Variants in CADM2 observed in about 807,000 individuals in gnomAD.
CADM2 encodes immunoglobulin superfamily member 4D.
CADM2 carries 12 observed loss-of-function variants against 49.8 expected under a neutral mutation model. The observed-to-expected ratio is 0.24, with a 90% CI of 0.15 to 0.39. CADM2 has a LOEUF of 0.39. CADM2 is among the 10% of genes least tolerant of loss of function. The pLI is 1.00. For missense variants in CADM2, 378 were observed against 492.3 expected (o/e 0.77, Z 2.20); for synonymous variants, 214 against 175.4 (o/e 1.22, Z -1.74).
chr3:84,959,996 ACATT>A (rs1429774303), intron 1 of CADM2: 3 of 456,276 alleles, frequency 6.6e-6, no homozygotes, highest in African/African-American at 6.0e-5. Context: ...GCCTCTCTGA[ACATT>A]CCACCCTCCC....
chr3:85,270,822 A>G (rs61290738), intron 1 of CADM2, among the ~76,000 whole-genome samples: 10,039 of 151,490 alleles, frequency 0.066, 1,086 homozygotes, highest in African/African-American at 0.23. Flanking sequence ...ATCTCATATC[A>G]AAACATTGAC....
At chr3:85,057,244 T>TA (rs755078205) in intron 1 of CADM2, among the ~76,000 whole-genome samples, 4 of 152,004 alleles carry the variant, frequency 2.6e-5, no homozygotes, top group Non-Finnish European at 5.9e-5. Flanking sequence ...AAAAAATACA[T>TA]AAACATCAGC....
intron 1 of CADM2, among the ~76,000 whole-genome samples, chr3:85,318,198 A>AAT (rs970274715): frequency 2.6e-5 from 4 of 151,332 alleles, no homozygotes; most frequent in Non-Finnish European, 4.4e-5. Flanking sequence ...AAAAGAAAAA[A>AAT]ATATATATAT....
At chr3:85,457,391 T>C (rs894826625) in intron 1 of CADM2, among the ~76,000 whole-genome samples, 2 of 151,164 alleles carry the variant, frequency 1.3e-5, no homozygotes. Flanking sequence ...CCAGCCCGGG[T>C]GACACAGCAA....
chr3:85,551,371 C>T (rs187769592), intron 1 of CADM2, among the ~76,000 whole-genome samples: 2 of 152,186 alleles, frequency 1.3e-5, no homozygotes, highest in East Asian at 3.9e-4. Flanking sequence ...TCTCTTAAAG[C>T]CTGTATTGCA....
chr3:85,638,405 A>G (rs1224046261), intron 1 of CADM2, among the ~76,000 whole-genome samples: 2 of 152,132 alleles, frequency 1.3e-5, no homozygotes, highest in African/African-American at 4.8e-5. Context: ...TACAGCTGTG[A>G]AAATATTGAA....
At chr3:85,120,681 G>A (rs7611632) in intron 1 of CADM2, among the ~76,000 whole-genome samples, 171 of 152,150 alleles carry the variant, frequency 1.1e-3, no homozygotes, top group African/African-American at 3.9e-3. Flanking sequence ...CTCCTGGGGG[G>A]TAGGGGGCCA....
intron 1 of CADM2, among the ~76,000 whole-genome samples, chr3:85,507,368 T>C (rs6787427): frequency 0.22 from 33,940 of 151,566 alleles, 4,155 homozygotes; most frequent in East Asian, 0.3. Flanking sequence ...TTTGTATTTT[T>C]AGTAGACATG....
chr3:84,959,805 G>A, intron 1 of CADM2, 137 bp downstream of exon 1: 1 of 791,704 alleles, frequency 1.3e-6, no homozygotes, highest in Non-Finnish European at 2.1e-6. Context: ...ACTCTCTGGT[G>A]CGGCAGGGGG....
chr3:85,252,147 T>C (rs1040947344), intron 1 of CADM2, among the ~76,000 whole-genome samples: 1 of 152,020 alleles, frequency 6.6e-6, no homozygotes, highest in African/African-American at 2.4e-5. Flanking sequence ...ATCATCTCTT[T>C]GTTTTTGTTC....
At chr3:85,231,254 A>G (rs1341117354) in intron 1 of CADM2, among the ~76,000 whole-genome samples, 1 of 152,150 alleles carries the variant, frequency 6.6e-6, no homozygotes, top group East Asian at 1.9e-4. Context: ...GCTATGATTT[A>G]TGTTTTTTCT....
At chr3:85,408,563 A>G (rs977161341) in intron 1 of CADM2, among the ~76,000 whole-genome samples, 2 of 152,132 alleles carry the variant, frequency 1.3e-5, no homozygotes, top group African/African-American at 4.8e-5. Flanking sequence ...TTGCCACCCA[A>G]TGAGTTAGAT....
intron 1 of CADM2, among the ~76,000 whole-genome samples, chr3:85,214,180 T>C (rs990956621): frequency 6.6e-6 from 1 of 151,856 alleles, no homozygotes; most frequent in Non-Finnish European, 1.5e-5. Flanking sequence ...CTGTGGCTCT[T>C]GCAGACCTGT....
intron 2 of CADM2, among the ~76,000 whole-genome samples, chr3:85,783,346 A>G (rs1359480636): frequency 3.9e-5 from 6 of 152,238 alleles, no homozygotes; most frequent in Admixed American, 3.9e-4. Context: ...CTATTTACAG[A>G]TAAGTGTATG....
At chr3:85,756,541 A>T (rs1360578140) in intron 2 of CADM2, among the ~76,000 whole-genome samples, 1 of 152,274 alleles carries the variant, frequency 6.6e-6, no homozygotes, top group Middle Eastern at 3.4e-3. Flanking sequence ...GTAAAAGAAG[A>T]TCATGTAGTA....
chr3:85,903,113 G>A (rs968740091), intron 5 of CADM2, among the ~76,000 whole-genome samples: 1 of 151,782 alleles, frequency 6.6e-6, no homozygotes, highest in Non-Finnish European at 1.5e-5. Flanking sequence ...CCTTTGTGCT[G>A]TTATTGTCAA....
At chr3:85,955,748 G>A (rs1264239837) in intron 7 of CADM2, among the ~76,000 whole-genome samples, 1 of 151,366 alleles carries the variant, frequency 6.6e-6, no homozygotes, top group South Asian at 2.1e-4. Flanking sequence ...TTATAAATTA[G>A]GAATTGTGCA....
At chr3:86,039,660 G>A (rs1047431913) in intron 8 of CADM2, among the ~76,000 whole-genome samples, 1 of 152,208 alleles carries the variant, frequency 6.6e-6, no homozygotes, top group African/African-American at 2.4e-5. Context: ...TCTGGGGGGA[G>A]GGCATAGCCA....
intron 1 of CADM2, among the ~76,000 whole-genome samples, chr3:85,123,677 A>G (rs2038937217): frequency 6.6e-6 from 1 of 152,176 alleles, no homozygotes; most frequent in Non-Finnish European, 1.5e-5. Flanking sequence ...TTGTTTAATT[A>G]AACATATATA....
Sources: allele counts gnomAD v4.1 joint callset (sites outside exome capture counted in the v4.1 genomes callset), GRCh38; gene constraint gnomAD v4.1.1; transcripts MANE v1.5; gene names NCBI Gene and HGNC (gene_info 2026-07-23, HGNC 2026-07-21).